TRAT1: variants seen among roughly 807,000 people sequenced by gnomAD.
The protein encoded by TRAT1 is T-cell receptor-associated transmembrane adapter 1.
TRAT1 carries 20 observed loss-of-function variants against 20.0 expected under a neutral mutation model. That is an observed-to-expected ratio of 1.00 (90% CI 0.70 to 1.45). The LOEUF is 1.45. TRAT1 is among the 40% of genes most tolerant of loss of function. The pLI is 0.00. For missense variants in TRAT1, 237 were observed against 224.1 expected, an observed-to-expected ratio of 1.06 and a Z score of -0.37; for synonymous variants, 77 against 74.2, an observed-to-expected ratio of 1.04 and a Z score of -0.20.
intron 3 of TRAT1, among the ~76,000 whole-genome samples, chr3:108,845,988 G>A (rs1173385687): frequency 1.3e-5 from 2 of 152,200 alleles, no homozygotes; most frequent in Non-Finnish European, 1.5e-5. Context: ...AGAGCAAATA[G>A]CTGTGTATTC....
At chr3:108,851,329 T>G (rs1945996053) in intron 5 of TRAT1, among the ~76,000 whole-genome samples, 1 of 152,220 alleles carries the variant, frequency 6.6e-6, no homozygotes, top group Non-Finnish European at 1.5e-5. Context: ...GAAGAGTTAA[T>G]CAGAAAGCCT....
intron 2 of TRAT1, among the ~76,000 whole-genome samples, chr3:108,834,050 T>TA (rs1945818264): frequency 6.6e-6 from 1 of 152,192 alleles, no homozygotes; most frequent in African/African-American, 2.4e-5. Context: ...TATGCCCCTC[T>TA]AAGTCCTCTC....
intron 3 of TRAT1, among the ~76,000 whole-genome samples, chr3:108,845,732 C>T (rs1945936919): frequency 1.3e-5 from 2 of 151,570 alleles, no homozygotes; most frequent in Non-Finnish European, 2.9e-5. Context: ...ATGAAATTCC[C>T]TCCAGCTCTC....
chr3:108,848,113 TC>T (rs766604739), intron 4 of TRAT1, among the ~76,000 whole-genome samples: 77 of 152,326 alleles, frequency 5.1e-4, no homozygotes, highest in Non-Finnish European at 8.2e-4. Context: ...ACTCAACTAC[TC>T]AAATTCTTAT....
At chr3:108,827,991 C>T (rs1945757208) in intron 1 of TRAT1, among the ~76,000 whole-genome samples, 1 of 152,136 alleles carries the variant, frequency 6.6e-6, no homozygotes, top group Non-Finnish European at 1.5e-5. Flanking sequence ...TGGACTAACA[C>T]AACTATTTCA....
At chr3:108,845,715 T>C (rs940724364) in intron 3 of TRAT1, among the ~76,000 whole-genome samples, 1 of 152,118 alleles carries the variant, frequency 6.6e-6, no homozygotes, top group Non-Finnish European at 1.5e-5. Context: ...TTTTTTTTTT[T>C]CTTTTGATGA....
intron 1 of TRAT1, among the ~76,000 whole-genome samples, chr3:108,828,921 T>C (rs979203598): frequency 6.6e-6 from 1 of 152,144 alleles, no homozygotes; most frequent in African/African-American, 2.4e-5. Context: ...CAAAGTCTAT[T>C]TTACTTCCAT....
At chr3:108,830,852 G>C in intron 2 of TRAT1, 72 bp downstream of exon 2, 1 of 910,814 alleles carries the variant, frequency 1.1e-6, no homozygotes, top group Non-Finnish European at 1.8e-6. Flanking sequence ...AAAACCTATG[G>C]AAGCAGACAA....
At position 108,853,774 on chromosome 3, in the gene TRAT1, T is replaced by C. The variant is rs775809636; in HGVS notation, c.458T>C (p.Val153Ala). 8.1e-6 allele frequency: 13 copies of C among 1,614,014 alleles called. No homozygotes were observed. In the African/African-American group the frequency reaches 1.7e-4, roughly 22 times the overall value. Residue 153 changes from valine (V) to alanine (A), a missense_variant, in exon 6 of 6, where the codon GTA (valine) becomes GCA (alanine). Physicochemically the swap from Val to Ala is moderately conservative, Grantham distance 64. Coordinates refer to ENST00000295756, the MANE Select transcript of TRAT1 (RefSeq NM_016388.4). ...GCCAGCGTTTCTAAGACCACCTTAGTAGACAGTTTCTCCCCAGAAAGCCAG... is the reference window on the plus strand; with the variant it reads ...GCCAGCGTTTCTAAGACCACCTTAGCAGACAGTTTCTCCCCAGAAAGCCAG... Reference protein sequence around the residue: ...IDASVSKTTLVDSFSPESQAV... With the variant: ...IDASVSKTTLADSFSPESQAV...
At chr3:108,843,258 G>A (rs138002603) in intron 3 of TRAT1, among the ~76,000 whole-genome samples, 315 of 152,280 alleles carry the variant, frequency 2.1e-3, no homozygotes, top group African/African-American at 7.1e-3. Flanking sequence ...CCAGCCGGGC[G>A]TGGTGGCTCA....
intron 5 of TRAT1, among the ~76,000 whole-genome samples, chr3:108,851,393 CA>C (rs763170487): frequency 5.3e-5 from 8 of 152,168 alleles, no homozygotes; most frequent in Non-Finnish European, 1.2e-4. Context: ...TTGAAAAATA[CA>C]AGTGTGAGCT....
intron 1 of TRAT1, among the ~76,000 whole-genome samples, chr3:108,823,831 G>T (rs981050447): frequency 2.7e-4 from 41 of 151,872 alleles, no homozygotes; most frequent in Admixed American, 2.4e-3. Flanking sequence ...TTATAGTTTA[G>T]TCATTTGTTT....
intron 1 of TRAT1, among the ~76,000 whole-genome samples, chr3:108,825,995 AG>A (rs1158686145): frequency 3.3e-5 from 5 of 152,200 alleles, no homozygotes; most frequent in African/African-American, 1.2e-4. Context: ...AGAATTTCTG[AG>A]GTTTACCAAT....
rs572535616 is a variant in TRAT1 at position 108,849,142 on chromosome 3, A to T, written c.215-24A>T. 3.8e-6 allele frequency: 6 copies of T among 1,591,870 alleles called. No homozygotes were observed. In the East Asian group the frequency reaches 8.9e-5, roughly 24 times the overall value. ...AGTATTTTTAAATTTTCTATTGTGA[A>T]TCACAATCTTTTTAATTCCCAAGAA... On this transcript the variant is annotated intron_variant, in intron 4 of 5. Transcript: ENST00000295756.
At chr3:108,842,320 T>G (rs557085573) in intron 3 of TRAT1, among the ~76,000 whole-genome samples, 1 of 152,282 alleles carries the variant, frequency 6.6e-6, no homozygotes, top group African/African-American at 2.4e-5. Flanking sequence ...AGGGTGGGGA[T>G]CTTCTGTATT....
intron 5 of TRAT1, among the ~76,000 whole-genome samples, chr3:108,851,975 G>T (rs1946001743): frequency 6.6e-6 from 1 of 152,164 alleles, no homozygotes. Flanking sequence ...ACAGTATATG[G>T]CAGTGGGAAG....
At chr3:108,846,260 C>G (rs534658524) in intron 3 of TRAT1, among the ~76,000 whole-genome samples, 1 of 152,162 alleles carries the variant, frequency 6.6e-6, no homozygotes, top group Admixed American at 6.5e-5. Flanking sequence ...AAATATGCAT[C>G]TCATATGATT....
intron 1 of TRAT1, among the ~76,000 whole-genome samples, chr3:108,827,468 T>C (rs1945752376): frequency 6.6e-6 from 1 of 151,856 alleles, no homozygotes; most frequent in Non-Finnish European, 1.5e-5. Flanking sequence ...CATCATTATC[T>C]ACTTAATATC....
intron 5 of TRAT1, among the ~76,000 whole-genome samples, chr3:108,850,533 G>A (rs1393209561): frequency 2.0e-5 from 3 of 151,998 alleles, no homozygotes; most frequent in Non-Finnish European, 2.9e-5. Flanking sequence ...GCAAACTCCC[G>A]ACCGCAGTGA....
Sources: gnomAD v4.1 joint callset for allele counts (sites outside exome capture counted in the v4.1 genomes callset) on GRCh38, gnomAD v4.1.1 for gene constraint, MANE v1.5 for transcripts, NCBI Gene and HGNC (gene_info 2026-07-23, HGNC 2026-07-21) for gene names.